Variants in ASAH2B observed in about 807,000 individuals in gnomAD.
The protein encoded by ASAH2B is N-acylsphingosine amidohydrolase 2B, also known as putative inactive neutral ceramidase B.
A neutral mutation model predicts 2.9 loss-of-function variants in ASAH2B; 1 was observed. The observed-to-expected ratio is 0.34, with a 90% CI of 0.12 to 1.63. The LOEUF (loss-of-function observed/expected upper bound fraction) is 1.63. ASAH2B is among the 40% of genes most tolerant of loss of function. ASAH2B has a pLI of 0.36. For missense variants in ASAH2B, 9 were observed against 37.7 expected, an observed-to-expected ratio of 0.24 and a Z score of 1.99; for synonymous variants, 4 against 13.3, an observed-to-expected ratio of 0.30 and a Z score of 1.52.
intron 3 of ASAH2B, among the ~76,000 whole-genome samples, chr10:50,749,087 A>G (rs1030906649): frequency 5.2e-4 from 76 of 145,816 alleles, no homozygotes; most frequent in African/African-American, 1.8e-4. Flanking sequence ...CCATTTTAAT[A>G]TGCTGTCACT....
chr10:50,756,660 T>A lies in ASAH2B; in HGVS notation c.*1920T>A, dbSNP rs2820785. On this transcript the variant is annotated 3_prime_UTR_variant, in exon 6 of 6. Coordinates refer to ENST00000647317, the MANE Select transcript of ASAH2B (RefSeq NM_001321958.2). Reference sequence around the variant, plus strand: ...GGCCACTGTATCATCTACTGATCCTTCTGCACCTAGCACTCTTGGCTCCAG... The same window carrying A: ...GGCCACTGTATCATCTACTGATCCTACTGCACCTAGCACTCTTGGCTCCAG... 1 of 152,080 alleles carries A rather than the reference T, an allele frequency of 6.6e-6. No individual in the cohort carries two copies. Among genetic ancestry groups the A allele is most frequent in the Non-Finnish European group, 1.5e-5 (1 of 67,964 alleles). 9.4% of individuals were successfully genotyped at this position (152,080 alleles called of 1,614,324 possible). A position where few individuals can be genotyped will look rare whatever the true frequency, so the allele number is the denominator to read the frequency against.
chr10:50,742,868 A>C, intron 1 of ASAH2B, 47 bp from the exon 2 acceptor site: 3 of 1,599,550 alleles, frequency 1.9e-6, no homozygotes, highest in Non-Finnish European at 2.6e-6. Context: ...CTGTAAATGG[A>C]TTTAAATATG....
At chr10:50,748,477 G>T (rs1839939600) in intron 3 of ASAH2B, among the ~76,000 whole-genome samples, 1 of 149,320 alleles carries the variant, frequency 6.7e-6, no homozygotes, top group South Asian at 2.1e-4. Flanking sequence ...AGGTTTTCCA[G>T]TCTGGCCTGG....
In ASAH2B at chr10:50,757,095, C is replaced by T. The variant is rs1326973209; in HGVS notation, c.*2355C>T. ...TTCTTCGAAAAGCACTGAATAATCT[C>T]TTTGCCGGGTCTAGATTTTTTGATG... is the stretch of plus-strand genomic sequence containing the variant. On this transcript the variant is annotated 3_prime_UTR_variant, in exon 6 of 6. Transcript: ENST00000647317. The T allele has an allele frequency of 4.0e-5, 6 of 151,442 alleles. No homozygotes were observed. Among genetic ancestry groups the T allele is most frequent in the African/African-American group, 1.2e-4 (5 of 41,222 alleles). 9.4% of individuals were successfully genotyped at this position (151,442 alleles called of 1,614,324 possible). A position where few individuals can be genotyped will look rare whatever the true frequency, so the allele number is the denominator to read the frequency against.
intron 1 of ASAH2B, among the ~76,000 whole-genome samples, chr10:50,741,892 G>A (rs1032280363): frequency 7.9e-5 from 12 of 152,056 alleles, no homozygotes; most frequent in African/African-American, 2.4e-4. Flanking sequence ...GAATTGGAAG[G>A]GCTTGTGTAT....
intron 3 of ASAH2B, among the ~76,000 whole-genome samples, chr10:50,747,662 G>A (rs972363772): frequency 3.3e-5 from 5 of 151,338 alleles, no homozygotes; most frequent in African/African-American, 1.2e-4. Context: ...TTCTATTGAG[G>A]TGACAATGTG....
At chr10:50,749,089 G>A (rs1839948326) in intron 3 of ASAH2B, among the ~76,000 whole-genome samples, 1 of 144,666 alleles carries the variant, frequency 6.9e-6, no homozygotes, top group African/African-American at 2.6e-5. Flanking sequence ...ATTTTAATAT[G>A]CTGTCACTAA....
chr10:50,743,720 G>A (rs1001653166), intron 2 of ASAH2B: 2 of 150,902 alleles, frequency 1.3e-5, no homozygotes, highest in Admixed American at 6.6e-5. Flanking sequence ...TGTTTATGAA[G>A]CTGCAACTGT....
Position 50,756,859 on chromosome 10 carries a change from AAC to A in ASAH2B, c.*2123_*2124del, listed in dbSNP as rs528600458. On this transcript the variant is annotated 3_prime_UTR_variant, in exon 6 of 6. Transcript: ENST00000647317. ...AATTGAACTTATCTGTTGATATAAA[AAC>A]ACAGATCCAATTCGTGTCTGTGGAT... is the stretch of plus-strand genomic sequence containing the variant. The A allele has an allele frequency of 4.1e-3, 617 of 151,852 alleles. 1 individual carries two copies. Among genetic ancestry groups the A allele is most frequent in the African/African-American group, 0.014 (571 of 41,510 alleles). 9.4% of individuals were successfully genotyped at this position (151,852 alleles called of 1,614,324 possible). A position where few individuals can be genotyped will look rare whatever the true frequency, so the allele number is the denominator to read the frequency against.
At chr10:50,744,365 A>C (rs567304436) in intron 2 of ASAH2B, among the ~76,000 whole-genome samples, 1 of 151,770 alleles carries the variant, frequency 6.6e-6, no homozygotes, top group South Asian at 2.1e-4. Flanking sequence ...CTTGAAAAAA[A>C]CCACTGAATA....
Position 50,755,410 on chromosome 10 carries a change from G to A in ASAH2B, c.*670G>A, listed in dbSNP as rs1837064590. 1 of 94,460 alleles carries A rather than the reference G, an allele frequency of 1.1e-5. No homozygotes were observed. The highest frequency in any genetic ancestry group is 2.8e-5 in the African/African-American group (1 of 35,864). 5.9% of individuals were successfully genotyped at this position (94,460 alleles called of 1,614,324 possible). On this transcript the variant is annotated 3_prime_UTR_variant, in exon 6 of 6. Transcript: ENST00000647317. Reference sequence around the variant, plus strand: ...CGCTGTGGATGCTCAAATCATTTCTGGAATTGCCTTCAGGACACAATTATG... The same window carrying A: ...CGCTGTGGATGCTCAAATCATTTCTAGAATTGCCTTCAGGACACAATTATG...
chr10:50,756,646 CAT>C lies in ASAH2B; in HGVS notation c.*1907_*1908del, dbSNP rs1229450735. The stretch of plus-strand genomic sequence containing the variant: ...AACTGTACCAAGGTGGCCACTGTAT[CAT>C]CTACTGATCCTTCTGCACCTAGCAC... On this transcript the variant is annotated 3_prime_UTR_variant, in exon 6 of 6. Transcript: ENST00000647317. 4.6e-5 allele frequency: 7 copies of C among 152,134 alleles called. No individual in the cohort carries two copies. The highest frequency in any genetic ancestry group is 1.7e-4 in the African/African-American group (7 of 41,552). 9.4% of individuals were successfully genotyped at this position (152,134 alleles called of 1,614,324 possible).
At position 50,754,891 on chromosome 10, in the gene ASAH2B, G is replaced by GGTGTGTGTGTGTGT. The variant is rs61180777; in HGVS notation, c.*184_*197dup. 5.2e-5 allele frequency: 10 copies of GGTGTGTGTGTGTGT among 194,140 alleles called. No homozygotes were observed. Among genetic ancestry groups the GGTGTGTGTGTGTGT allele is most frequent in the African/African-American group, 4.3e-4 (10 of 23,294 alleles). The allele number at this position is 194,140 out of a possible 1,614,324, so 12.0% of individuals were successfully genotyped here. A position where few individuals can be genotyped will look rare whatever the true frequency, so the allele number is the denominator to read the frequency against. ...TAGTTTACTGCTAATGGGGTGGAGGGGTGTGTGTGTGTGTGTGTGTGTGTG... is the reference window on the plus strand; with the variant it reads ...TAGTTTACTGCTAATGGGGTGGAGGGGTGTGTGTGTGTGTGTGTGTGTGTGTGTGTGTGTGTGTG... On this transcript the variant is annotated 3_prime_UTR_variant, in exon 6 of 6. Transcript: ENST00000647317.
In ASAH2B at chr10:50,742,713, T is replaced by G. The variant is rs528397055; in HGVS notation, c.-99-202T>G. ...GCATAAGCAGAGAGAACCCACTGCT[T>G]TTAACAGGTAGTCCATAGGAGTCAC... On this transcript the variant is annotated intron_variant, in intron 1 of 5. Coordinates refer to ENST00000647317, the MANE Select transcript of ASAH2B (RefSeq NM_001321958.2). Among the ~76,000 whole-genome samples the G allele has an allele frequency of 6.6e-5, 10 of 152,294 alleles. No homozygotes were observed. The South Asian group carries it at 1.0e-3, about 16-fold the overall frequency.
chr10:50,754,929 T>A lies in ASAH2B; in HGVS notation c.*189T>A, dbSNP rs1160367436. On this transcript the variant is annotated 3_prime_UTR_variant, in exon 6 of 6. Transcript: ENST00000647317. ...GTGTGTGTGTGTGTGTGTGTGTGTG[T>A]GTGTGTGTATGTGAGAGAGAGAGAG... The A allele has an allele frequency of 3.4e-5, 8 of 236,216 alleles. No homozygotes were observed. The highest frequency in any genetic ancestry group is 1.1e-4 in the Admixed American group (1 of 9,396). The allele number at this position is 236,216 out of a possible 1,614,324, so 14.6% of individuals were successfully genotyped here. A position where few individuals can be genotyped will look rare whatever the true frequency, so the allele number is the denominator to read the frequency against.
At chr10:50,751,711 T>C (rs1470233406) in intron 4 of ASAH2B, among the ~76,000 whole-genome samples, 2 of 145,204 alleles carry the variant, frequency 1.4e-5, no homozygotes, top group Non-Finnish European at 3.1e-5. Context: ...AGAACTGTGA[T>C]AAATATAAGT....
At position 50,756,143 on chromosome 10, in the gene ASAH2B, G is replaced by A. The variant is rs1054425642; in HGVS notation, c.*1403G>A. On this transcript the variant is annotated 3_prime_UTR_variant, in exon 6 of 6. Transcript: ENST00000647317. ...CCCCAGGTCATACTTTTGTATGTATGTAAAAGCTTTAGCATTTTAGGGAAA... is the reference window on the plus strand; with the variant it reads ...CCCCAGGTCATACTTTTGTATGTATATAAAAGCTTTAGCATTTTAGGGAAA... The A allele has an allele frequency of 2.7e-5, 4 of 149,238 alleles. No homozygotes were observed. The highest frequency in any genetic ancestry group is 4.5e-5 in the Non-Finnish European group (3 of 66,810). The allele number at this position is 149,238 out of a possible 1,614,324, so 9.2% of individuals were successfully genotyped here. A position where few individuals can be genotyped will look rare whatever the true frequency, so the allele number is the denominator to read the frequency against.
At chr10:50,741,741 TGGATA>T (rs1839834332) in intron 1 of ASAH2B, among the ~76,000 whole-genome samples, 1 of 152,090 alleles carries the variant, frequency 6.6e-6, no homozygotes, top group African/African-American at 2.4e-5. Context: ...GGTTAGCTGA[TGGATA>T]GTCTTGCATG....
chr10:50,747,018 C>T lies in ASAH2B; in HGVS notation c.144+1744C>T, dbSNP rs2820759. On this transcript the variant is annotated intron_variant, in intron 3 of 5. Transcript: ENST00000647317. ...ACTGTTTAGTTTGATGTAATATGTG[C>T]CTGTTTTTGCTTTTGTTGCTTTTGC... Among the ~76,000 whole-genome samples the T allele has an allele frequency of 5.1e-4, 76 of 148,836 alleles. 4 individuals are homozygous for T. The highest frequency in any genetic ancestry group is 1.7e-3 in the African/African-American group (67 of 40,002).
Sources: gnomAD v4.1 joint callset for allele counts (sites outside exome capture counted in the v4.1 genomes callset) on GRCh38, gnomAD v4.1.1 for gene constraint, MANE v1.5 for transcripts, NCBI Gene and HGNC (gene_info 2026-07-23, HGNC 2026-07-21) for gene names.